Variants in GNG7 observed in about 807,000 individuals in gnomAD.
The protein encoded by GNG7 is G protein subunit gamma 7.
In GNG7, 1 loss-of-function variant was observed where a neutral mutation model predicts 4.0. The observed-to-expected ratio is 0.25, with a 90% CI of 0.09 to 1.18. GNG7 has a LOEUF of 1.18. GNG7 is among the 50% of genes most tolerant of loss of function. The pLI, the probability that GNG7 is intolerant of heterozygous loss-of-function variation, is 0.50. For missense variants in GNG7, 86 were observed against 91.9 expected (o/e 0.94, Z 0.26); for synonymous variants, 34 against 36.9 (o/e 0.92, Z 0.29).
intron 3 of GNG7, chr19:2,538,035 C>T (rs1410950252): frequency 7.1e-6 from 3 of 422,986 alleles, no homozygotes; most frequent in African/African-American, 6.1e-5. Context: ...TATGATTGCG[C>T]CACTGCCCTC....
At chr19:2,651,072 G>T (rs1310392135) in intron 1 of GNG7, among the ~76,000 whole-genome samples, 1 of 152,148 alleles carries the variant, frequency 6.6e-6, no homozygotes, top group Non-Finnish European at 1.5e-5. Flanking sequence ...GGTAGCAGGT[G>T]CCGAATGTCA....
At chr19:2,694,974 G>C (rs1227340871) in intron 1 of GNG7, among the ~76,000 whole-genome samples, 1 of 152,014 alleles carries the variant, frequency 6.6e-6, no homozygotes, top group Non-Finnish European at 1.5e-5. Flanking sequence ...AGGAGTTCGA[G>C]ACCAGCCTAG....
At position 2,557,495 on chromosome 19, in the gene GNG7, A is replaced by G. The variant is rs1295243215; in HGVS notation, c.-77-2307T>C. 6.6e-6 allele frequency among the ~76,000 whole-genome samples: 1 copy of G among 152,238 alleles called. No homozygotes were observed. Among genetic ancestry groups the G allele is most frequent in the Non-Finnish European group, 1.5e-5 (1 of 68,032 alleles). Reference sequence around the variant, plus strand: ...TGCAGGACTTTTCCTCCTCCTGCCCAAAGGCACCTGCACTCACAAAAGACT... The same window carrying G: ...TGCAGGACTTTTCCTCCTCCTGCCCGAAGGCACCTGCACTCACAAAAGACT... On this transcript the variant is annotated intron_variant, in intron 2 of 4. Transcript: ENST00000382159. The surrounding 1 kb of genome is among the most constrained non-coding windows in gnomAD (Gnocchi z 5.1).
intron 2 of GNG7, among the ~76,000 whole-genome samples, chr19:2,619,504 G>C (rs1206672316): frequency 6.6e-6 from 1 of 152,220 alleles, no homozygotes; most frequent in African/African-American, 2.4e-5. Flanking sequence ...TGAAGGGCAA[G>C]GTCAGACATC....
At chr19:2,670,822 C>T (rs1411197146) in intron 1 of GNG7, among the ~76,000 whole-genome samples, 6 of 151,970 alleles carry the variant, frequency 3.9e-5, no homozygotes, top group African/African-American at 1.5e-4. Context: ...GGGACAGAAT[C>T]ATCCACCATT....
intron 3 of GNG7, among the ~76,000 whole-genome samples, chr19:2,541,373 G>C (rs905172159): frequency 6.6e-6 from 1 of 152,054 alleles, no homozygotes; most frequent in African/African-American, 2.4e-5. Context: ...ACATAATGAG[G>C]GTGCAGTGAG....
intron 1 of GNG7, among the ~76,000 whole-genome samples, chr19:2,688,303 G>C (rs954719713): frequency 6.6e-6 from 1 of 152,108 alleles, no homozygotes; most frequent in Non-Finnish European, 1.5e-5. Context: ...AAAGTTTGCC[G>C]TACGAAGGAT....
At chr19:2,686,185 T>A (rs1599462137) in intron 1 of GNG7, among the ~76,000 whole-genome samples, 1 of 146,994 alleles carries the variant, frequency 6.8e-6, no homozygotes, top group South Asian at 2.1e-4. Context: ...TGAGACAGAG[T>A]CTCACGCTGT....
rs8112518 is a variant in GNG7, at chr19:2,512,153, C to A, written c.*2869G>T. On this transcript the variant is annotated 3_prime_UTR_variant, in exon 5 of 5. Transcript: ENST00000382159. This position sits in a 1 kb window ranked among gnomAD's most constrained non-coding sequence, Gnocchi z 4.7. ...GCGTAGCTGAGAGAGGCTTGTCCCC[C>A]CAAGGCTAGAGCTGCTGCTGCCACC... 8.1e-6 allele frequency: 8 copies of A among 985,632 alleles called. No homozygotes were observed. In the African/African-American group the frequency reaches 1.4e-4, roughly 17 times the overall value. 61.1% of individuals were successfully genotyped at this position (985,632 alleles called of 1,614,324 possible).
intron 1 of GNG7, among the ~76,000 whole-genome samples, chr19:2,681,904 G>A (rs1319818723): frequency 6.6e-6 from 1 of 152,114 alleles, no homozygotes; most frequent in African/African-American, 2.4e-5. Flanking sequence ...GAAACTGATA[G>A]TTTCTGTTTC....
intron 3 of GNG7, among the ~76,000 whole-genome samples, chr19:2,545,904 A>C (rs145497104): frequency 0.025 from 3,766 of 152,218 alleles, 78 homozygotes; most frequent in Non-Finnish European, 0.035. Flanking sequence ...GCGGTGAGCC[A>C]AAATCGCGCC....
At chr19:2,529,254 T>C (rs971890057) in intron 3 of GNG7, among the ~76,000 whole-genome samples, 8 of 152,214 alleles carry the variant, frequency 5.3e-5, no homozygotes, top group African/African-American at 1.9e-4. Flanking sequence ...GCTCACTCTG[T>C]CGCCCAGGCT....
Position 2,614,143 on chromosome 19 carries a change from G to A in GNG7, c.-78+32081C>T, listed in dbSNP as rs1160480310. On this transcript the variant is annotated intron_variant, in intron 2 of 4. Coordinates refer to ENST00000382159, the MANE Select transcript of GNG7 (RefSeq NM_052847.3). This position sits in a 1 kb window ranked among gnomAD's most constrained non-coding sequence, Gnocchi z 6.0. The stretch of plus-strand genomic sequence containing the variant: ...CTCACCACCCGGTGAACGGCACTGG[G>A]AGCAGACTCAAGAGGCTCGAGAGGT... Among the ~76,000 whole-genome samples the A allele has an allele frequency of 1.3e-5, 2 of 152,204 alleles. No individual in the cohort carries two copies. The highest frequency in any genetic ancestry group is 1.9e-4 in the East Asian group (1 of 5,198).
chr19:2,562,261 G>T (rs1979764746), intron 2 of GNG7, among the ~76,000 whole-genome samples: 1 of 147,604 alleles, frequency 6.8e-6, no homozygotes, highest in Non-Finnish European at 1.5e-5. Context: ...TCTACAGCGG[G>T]TTCCTTTTTC....
intron 3 of GNG7, among the ~76,000 whole-genome samples, chr19:2,550,178 G>A (rs376679719): frequency 1.3e-4 from 20 of 152,136 alleles, no homozygotes; most frequent in African/African-American, 4.3e-4. Context: ...CAGAAGGAGC[G>A]GCTGGGAGGC....
chr19:2,676,885 G>A (rs1983608335), intron 1 of GNG7, among the ~76,000 whole-genome samples: 1 of 152,080 alleles, frequency 6.6e-6, no homozygotes, highest in Non-Finnish European at 1.5e-5. Context: ...AGCTTCTGGG[G>A]TTGCCAGGAA....
intron 1 of GNG7, among the ~76,000 whole-genome samples, chr19:2,679,647 G>A (rs867082434): frequency 6.6e-6 from 1 of 152,166 alleles, no homozygotes; most frequent in African/African-American, 2.4e-5. Flanking sequence ...GGAGTTTCTA[G>A]AAGGTTCCAG....
At chr19:2,552,849 CCA>C (rs199818114) in intron 3 of GNG7, among the ~76,000 whole-genome samples, 1,917 of 103,078 alleles carry the variant, frequency 0.019, 91 homozygotes, top group African/African-American at 0.065. Flanking sequence ...CCTCCCGGCT[CCA>C]CCCCCCCCAC....
intron 2 of GNG7, among the ~76,000 whole-genome samples, chr19:2,595,991 T>G (rs1981007266): frequency 6.6e-6 from 1 of 152,098 alleles, no homozygotes; most frequent in African/African-American, 2.4e-5. Context: ...GACTCTACGC[T>G]GCATGCTTGT....
Sources: gnomAD v4.1 joint callset for allele counts (sites outside exome capture counted in the v4.1 genomes callset) on GRCh38, gnomAD v4.1.1 for gene constraint, Gnocchi (gnomAD v3.1) non-coding constraint, MANE v1.5 for transcripts, NCBI Gene and HGNC (gene_info 2026-07-23, HGNC 2026-07-21) for gene names.